The following SKAP2 variants were observed in gnomAD, a reference collection of about 807,000 sequenced individuals.
The protein encoded by SKAP2 is src kinase associated phosphoprotein 2, also known as src kinase-associated phosphoprotein 2.
In SKAP2, 28 loss-of-function variants were observed where a neutral mutation model predicts 54.9. The observed-to-expected ratio is 0.51, with a 90% CI of 0.38 to 0.70. The LOEUF (loss-of-function observed/expected upper bound fraction) is 0.70. Ranked by LOEUF, SKAP2 falls within the 30% of genes least tolerant of loss-of-function variation. The pLI, the probability that SKAP2 is intolerant of heterozygous loss-of-function variation, is 0.00. For synonymous variants in SKAP2, 137 were observed against 134.3 expected, an observed-to-expected ratio of 1.02 and a Z score of -0.14; for missense variants, 356 against 424.1, an observed-to-expected ratio of 0.84 and a Z score of 1.41.
intron 4 of SKAP2, among the ~76,000 whole-genome samples, chr7:26,754,828 C>T (rs1367169515): frequency 6.6e-6 from 1 of 152,068 alleles, no homozygotes; most frequent in Admixed American, 6.6e-5. Context: ...GAGGCTAGGG[C>T]AATAAAATGG....
chr7:26,717,717 AGGTACTT>A (rs939096658), intron 9 of SKAP2, among the ~76,000 whole-genome samples: 21 of 150,906 alleles, frequency 1.4e-4, no homozygotes, highest in African/African-American at 5.1e-4. Flanking sequence ...CCTGTAATCC[AGGTACTT>A]GGGAGGCTGA....
At chr7:26,722,765 G>A (rs918919728) in intron 9 of SKAP2, among the ~76,000 whole-genome samples, 2 of 151,826 alleles carry the variant, frequency 1.3e-5, no homozygotes, top group Non-Finnish European at 2.9e-5. Flanking sequence ...AAACACTGCA[G>A]GTTTATTTCA....
intron 4 of SKAP2, among the ~76,000 whole-genome samples, chr7:26,788,246 C>T (rs567176762): frequency 6.6e-6 from 1 of 152,122 alleles, no homozygotes; most frequent in Non-Finnish European, 1.5e-5. Context: ...TATGAAGTTA[C>T]AGTACCAGAA....
At chr7:26,804,943 G>A (rs186042285) in intron 4 of SKAP2, among the ~76,000 whole-genome samples, 1 of 152,240 alleles carries the variant, frequency 6.6e-6, no homozygotes. Flanking sequence ...ATCATGGAAA[G>A]ATGTTTCCTA....
At chr7:26,725,674 A>G in intron 8 of SKAP2, 109 bp from the exon 9 acceptor site, 1 of 1,100,434 alleles carries the variant, frequency 9.1e-7, no homozygotes, top group East Asian at 2.6e-5. Context: ...ATATTGTTAT[A>G]TGTTATGTCC....
chr7:26,851,719 TAAA>T (rs5883051), intron 3 of SKAP2, among the ~76,000 whole-genome samples: 21 of 132,770 alleles, frequency 1.6e-4, no homozygotes, highest in South Asian at 2.3e-4. Context: ...GTATAATAAT[TAAA>T]AAAAAAAAAA....
At chr7:26,717,854 T>A (rs572182119) in intron 9 of SKAP2, among the ~76,000 whole-genome samples, 7 of 150,996 alleles carry the variant, frequency 4.6e-5, no homozygotes, top group South Asian at 2.1e-4. Flanking sequence ...AAAATAAAAA[T>A]AATTAAATTT....
chr7:26,723,149 G>A (rs150772560), intron 9 of SKAP2, among the ~76,000 whole-genome samples: 1 of 152,174 alleles, frequency 6.6e-6, no homozygotes, highest in Non-Finnish European at 1.5e-5. Flanking sequence ...TCCTGAAAGA[G>A]AGACAATTGT....
At chr7:26,679,007 T>A (rs1180023961) in intron 11 of SKAP2, among the ~76,000 whole-genome samples, 1 of 144,168 alleles carries the variant, frequency 6.9e-6, no homozygotes, top group Non-Finnish European at 1.5e-5. Flanking sequence ...TTAAAAAAAA[T>A]ATCAACGTAG....
the SKAP2 span, among the ~76,000 whole-genome samples, chr7:26,656,831 C>T: frequency 4.0e-5 from 6 of 151,628 alleles, no homozygotes; most frequent in Admixed American, 2.0e-4. Context: ...GATGTGTCTC[C>T]GGCCCCAGTG....
chr7:26,859,298 C>G (rs1785235128), intron 1 of SKAP2, among the ~76,000 whole-genome samples: 1 of 151,662 alleles, frequency 6.6e-6, no homozygotes, highest in Non-Finnish European at 1.5e-5. Context: ...ATGCTCTTCT[C>G]TGTTAAAGCA....
intron 4 of SKAP2, among the ~76,000 whole-genome samples, chr7:26,788,505 T>C (rs1227143370): frequency 6.6e-6 from 1 of 152,086 alleles, no homozygotes; most frequent in Non-Finnish European, 1.5e-5. Context: ...AATGTAAATA[T>C]GTCATAAATT....
intron 4 of SKAP2, among the ~76,000 whole-genome samples, chr7:26,815,007 A>G (rs981093869): frequency 6.6e-6 from 1 of 152,132 alleles, no homozygotes; most frequent in African/African-American, 2.4e-5. Context: ...ACTCAGAACT[A>G]CCTTTCAAAA....
downstream of SKAP2, among the ~76,000 whole-genome samples, chr7:26,665,814 A>G (rs539505285): frequency 4.3e-4 from 66 of 152,262 alleles, no homozygotes; most frequent in African/African-American, 1.4e-3. Flanking sequence ...ATGTCTAGAA[A>G]TCTCTTGTTC....
chr7:26,706,098 C>T (rs950986389), intron 9 of SKAP2, among the ~76,000 whole-genome samples: 1 of 152,098 alleles, frequency 6.6e-6, no homozygotes, highest in African/African-American at 2.4e-5. Flanking sequence ...CAAAGTCCAA[C>T]AATAACTCTT....
chr7:26,859,310 G>T lies in SKAP2; in HGVS notation c.68-4420C>A, dbSNP rs559360287. Among the ~76,000 whole-genome samples, 10 of 151,864 alleles carry T rather than the reference G, an allele frequency of 6.6e-5. No homozygotes were observed. In the East Asian group the frequency reaches 1.5e-3, roughly 23 times the overall value. On this transcript the variant is annotated intron_variant, in intron 1 of 12. Coordinates refer to ENST00000345317, the MANE Select transcript of SKAP2 (RefSeq NM_003930.5). ...GACATGCTCTTCTCTGTTAAAGCAGGGTATGGCTCTGACCAAACAGGTACT... is the reference window on the plus strand; with the variant it reads ...GACATGCTCTTCTCTGTTAAAGCAGTGTATGGCTCTGACCAAACAGGTACT...
intron 4 of SKAP2, among the ~76,000 whole-genome samples, chr7:26,804,490 C>T (rs1389018077): frequency 1.3e-5 from 2 of 152,014 alleles, no homozygotes; most frequent in East Asian, 3.9e-4. Flanking sequence ...CCCGTAATCC[C>T]AGCACTTTGG....
At chr7:26,764,329 G>T (rs996351022) in intron 4 of SKAP2, among the ~76,000 whole-genome samples, 2 of 152,044 alleles carry the variant, frequency 1.3e-5, no homozygotes, top group Non-Finnish European at 1.5e-5. Context: ...CTCTATAGAA[G>T]AAGAAGAAAA....
At chr7:26,720,452 ATAT>A (rs1787555082) in intron 9 of SKAP2, among the ~76,000 whole-genome samples, 1 of 152,174 alleles carries the variant, frequency 6.6e-6, no homozygotes, top group Non-Finnish European at 1.5e-5. Flanking sequence ...AAAATAATAA[ATAT>A]TATATGTGTG....
Sources: allele counts gnomAD v4.1 joint callset (sites outside exome capture counted in the v4.1 genomes callset), GRCh38; gene constraint gnomAD v4.1.1; transcripts MANE v1.5; gene names NCBI Gene and HGNC (gene_info 2026-07-23, HGNC 2026-07-21).